USP12: variants seen among roughly 807,000 people sequenced by gnomAD.
USP12 encodes ubiquitin carboxyl-terminal hydrolase 12.
USP12 carries 19 observed loss-of-function variants against 45.5 expected under a neutral mutation model. The observed-to-expected ratio is 0.42, with a 90% CI of 0.29 to 0.61. The LOEUF (loss-of-function observed/expected upper bound fraction) is 0.61, where lower values mean the gene tolerates loss of function less well. Among genes scored for constraint, USP12 ranks in the 20% least tolerant of loss-of-function variants. The pLI is 0.22. For synonymous variants in USP12, 149 were observed against 148.8 expected, an observed-to-expected ratio of 1.00 and a Z score of -0.01; for missense variants, 242 against 447.7, an observed-to-expected ratio of 0.54 and a Z score of 4.15.
At chr13:27,159,654 C>T (rs1395991734) in intron 1 of USP12, among the ~76,000 whole-genome samples, 2 of 152,162 alleles carry the variant, frequency 1.3e-5, no homozygotes, top group African/African-American at 2.4e-5. Flanking sequence ...CTTTCCTACA[C>T]CTTTATTTTT....
At chr13:27,150,415 A>G (rs982387466) in intron 1 of USP12, among the ~76,000 whole-genome samples, 5 of 152,206 alleles carry the variant, frequency 3.3e-5, no homozygotes, top group African/African-American at 1.2e-4. Flanking sequence ...TCTGAAAACT[A>G]CAAAATATTA....
intron 1 of USP12, among the ~76,000 whole-genome samples, chr13:27,147,819 A>T (rs550579199): frequency 3.9e-4 from 60 of 152,330 alleles, no homozygotes; most frequent in Middle Eastern, 3.4e-3. Context: ...CAATGCTTCC[A>T]TCTAAATGTG....
At chr13:27,109,290 C>T (rs769568674) in intron 2 of USP12, among the ~76,000 whole-genome samples, 4 of 152,218 alleles carry the variant, frequency 2.6e-5, no homozygotes, top group Non-Finnish European at 4.4e-5. Flanking sequence ...TTCAGCATTG[C>T]TCAAGTGAAC....
At chr13:27,111,528 T>A (rs776979388) in intron 2 of USP12, among the ~76,000 whole-genome samples, 24 of 152,206 alleles carry the variant, frequency 1.6e-4, no homozygotes, top group Middle Eastern at 3.2e-3. Context: ...TATCATTGAT[T>A]TTTTGATTGC....
chr13:27,149,435 C>T (rs1309843010), intron 1 of USP12, among the ~76,000 whole-genome samples: 1 of 152,160 alleles, frequency 6.6e-6, no homozygotes, highest in Non-Finnish European at 1.5e-5. Flanking sequence ...AAGAAGTAAA[C>T]CTATCTTTAT....
At chr13:27,110,173 T>G (rs1359193271) in intron 2 of USP12, among the ~76,000 whole-genome samples, 1 of 145,956 alleles carries the variant, frequency 6.9e-6, no homozygotes, top group African/African-American at 2.5e-5. Flanking sequence ...AGGAAAATAT[T>G]GGTAATTGTT....
intron 1 of USP12, among the ~76,000 whole-genome samples, chr13:27,142,732 A>C (rs553139594): frequency 5.8e-4 from 88 of 152,370 alleles, no homozygotes; most frequent in South Asian, 2.3e-3. Flanking sequence ...ATCACCAAAA[A>C]GAATGACTGT....
At chr13:27,086,696 C>CT (rs1229957892) in intron 6 of USP12, among the ~76,000 whole-genome samples, 2 of 152,070 alleles carry the variant, frequency 1.3e-5, no homozygotes, top group African/African-American at 4.8e-5. Flanking sequence ...ACAGATGGGC[C>CT]TTCCTCCATA....
At chr13:27,144,715 GA>G (rs1877231235) in intron 1 of USP12, among the ~76,000 whole-genome samples, 2 of 150,096 alleles carry the variant, frequency 1.3e-5, no homozygotes, top group African/African-American at 4.9e-5. Context: ...AAAGACCACA[GA>G]AAACTTTTTT....
intron 1 of USP12, among the ~76,000 whole-genome samples, chr13:27,138,212 AC>A (rs58147775): frequency 0.01 from 1,588 of 152,350 alleles, 36 homozygotes; most frequent in African/African-American, 0.036. Context: ...GAATACTGCT[AC>A]CATCCATTTA....
At chr13:27,109,170 G>A (rs1288704196) in intron 2 of USP12, among the ~76,000 whole-genome samples, 3 of 152,134 alleles carry the variant, frequency 2.0e-5, no homozygotes, top group African/African-American at 4.8e-5. Context: ...AGAAGAAATG[G>A]TTGTAAATAA....
chr13:27,088,821 G>GCA (rs1476517516), intron 6 of USP12, among the ~76,000 whole-genome samples: 1 of 152,116 alleles, frequency 6.6e-6, no homozygotes, highest in Non-Finnish European at 1.5e-5. Flanking sequence ...TTAGCTGTGA[G>GCA]CACGCTTGGA....
At chr13:27,130,512 T>A (rs916203633) in intron 1 of USP12, among the ~76,000 whole-genome samples, 1 of 144,596 alleles carries the variant, frequency 6.9e-6, no homozygotes, top group African/African-American at 2.6e-5. Flanking sequence ...ATTACAACAT[T>A]CAAACTGTTC....
chr13:27,134,820 T>C (rs1003132907), intron 1 of USP12, among the ~76,000 whole-genome samples: 2 of 151,746 alleles, frequency 1.3e-5, no homozygotes, highest in African/African-American at 4.8e-5. Flanking sequence ...ACAAAAAAAA[T>C]TGTCAATATT....
chr13:27,119,990 T>C (rs1334103617), intron 1 of USP12, among the ~76,000 whole-genome samples: 5 of 152,248 alleles, frequency 3.3e-5, no homozygotes, highest in African/African-American at 1.2e-4. Flanking sequence ...TAACGCTAAC[T>C]AAAAAGGCAA....
At chr13:27,157,127 G>A (rs775813282) in intron 1 of USP12, among the ~76,000 whole-genome samples, 18 of 152,194 alleles carry the variant, frequency 1.2e-4, no homozygotes, top group Non-Finnish European at 1.9e-4. Context: ...TGACATTGGT[G>A]AAGTTTCTTC....
intron 2 of USP12, among the ~76,000 whole-genome samples, chr13:27,110,956 A>C (rs1186554788): frequency 6.6e-6 from 1 of 152,192 alleles, no homozygotes; most frequent in Non-Finnish European, 1.5e-5. Context: ...GATAATGAGG[A>C]TTGACCTATC....
chr13:27,091,445 T>C (rs1874309878), intron 4 of USP12, among the ~76,000 whole-genome samples: 1 of 152,238 alleles, frequency 6.6e-6, no homozygotes, highest in African/African-American at 2.4e-5. Context: ...ATCACCTGGG[T>C]GCATGAGTTA....
intron 1 of USP12, among the ~76,000 whole-genome samples, chr13:27,153,425 T>C (rs1002186381): frequency 1.3e-5 from 2 of 152,236 alleles, no homozygotes; most frequent in Non-Finnish European, 2.9e-5. Context: ...ACATATAAAG[T>C]AATGAAATAG....
Sources: gnomAD v4.1 joint callset for allele counts (sites outside exome capture counted in the v4.1 genomes callset) on GRCh38, gnomAD v4.1.1 for gene constraint, MANE v1.5 for transcripts, NCBI Gene and HGNC (gene_info 2026-07-23, HGNC 2026-07-21) for gene names.